The following GNAQ variants were observed in gnomAD, a reference collection of about 807,000 sequenced individuals.
The protein encoded by GNAQ is G protein subunit alpha q, also known as guanine nucleotide-binding protein G(q) subunit alpha.
In GNAQ, 8 loss-of-function variants were observed where a neutral mutation model predicts 43.9. The ratio of observed to expected loss-of-function variants is 0.18; its 90% confidence interval spans 0.11 to 0.33. GNAQ has a LOEUF of 0.33. GNAQ is among the 10% of genes least tolerant of loss of function. The pLI, the probability that GNAQ is intolerant of heterozygous loss-of-function variation, is 1.00. For missense variants in GNAQ, 158 were observed against 450.8 expected, an observed-to-expected ratio of 0.35 and a Z score of 5.88; for synonymous variants, 155 against 170.7, an observed-to-expected ratio of 0.91 and a Z score of 0.71.
chr9:77,851,215 G>T (rs1007090153), intron 2 of GNAQ, among the ~76,000 whole-genome samples: 29 of 152,228 alleles, frequency 1.9e-4, no homozygotes, highest in Admixed American at 1.6e-3. Context: ...CACAAAATCG[G>T]AAAGAAAAAG....
intron 2 of GNAQ, among the ~76,000 whole-genome samples, chr9:77,869,137 T>C (rs1248496069): frequency 6.6e-6 from 1 of 152,174 alleles, no homozygotes; most frequent in Non-Finnish European, 1.5e-5. Context: ...AATTTTGATC[T>C]CTAAATACAC....
At chr9:77,962,445 T>G (rs1477138274) in intron 1 of GNAQ, among the ~76,000 whole-genome samples, 3 of 152,076 alleles carry the variant, frequency 2.0e-5, no homozygotes, top group Admixed American at 2.0e-4. Flanking sequence ...AAAGACACTT[T>G]ACATGTAAAG....
intron 2 of GNAQ, among the ~76,000 whole-genome samples, chr9:77,820,048 G>C (rs1587931501): frequency 9.2e-6 from 1 of 109,034 alleles, no homozygotes; most frequent in Admixed American, 1.2e-4. Flanking sequence ...AATACTCGAA[G>C]AAGAGCCAGA....
intron 1 of GNAQ, among the ~76,000 whole-genome samples, chr9:78,017,730 C>T (rs1275265286): frequency 6.6e-6 from 1 of 151,980 alleles, no homozygotes; most frequent in African/African-American, 2.4e-5. Flanking sequence ...AAAAGGAAAA[C>T]AACAGACTGG....
intron 5 of GNAQ, among the ~76,000 whole-genome samples, chr9:77,766,317 C>T (rs941770141): frequency 2.0e-5 from 3 of 152,124 alleles, no homozygotes; most frequent in Admixed American, 6.6e-5. Flanking sequence ...TCTGTTTCAA[C>T]GTTTCCTTGT....
intron 1 of GNAQ, among the ~76,000 whole-genome samples, chr9:77,943,973 T>G (rs1829351343): frequency 6.6e-6 from 1 of 152,126 alleles, no homozygotes; most frequent in African/African-American, 2.4e-5. Flanking sequence ...AGCCAGTGAC[T>G]TCTTATTTTA....
intron 2 of GNAQ, among the ~76,000 whole-genome samples, chr9:77,918,576 G>A (rs1828949928): frequency 6.6e-6 from 1 of 152,036 alleles, no homozygotes; most frequent in South Asian, 2.1e-4. Flanking sequence ...AATTTAGCCT[G>A]CATGTGAAAT....
intron 2 of GNAQ, among the ~76,000 whole-genome samples, chr9:77,842,179 T>C (rs1349588962): frequency 6.6e-6 from 1 of 152,180 alleles, no homozygotes; most frequent in African/African-American, 2.4e-5. Context: ...ACAACTCCCA[T>C]CCCCTATTCT....
At chr9:77,778,223 AC>A (rs1826335120) in intron 5 of GNAQ, among the ~76,000 whole-genome samples, 1 of 149,690 alleles carries the variant, frequency 6.7e-6, no homozygotes, top group Non-Finnish European at 1.5e-5. Context: ...TTACACACAC[AC>A]ACACACACAC....
chr9:77,868,414 C>T (rs1429935296), intron 2 of GNAQ, among the ~76,000 whole-genome samples: 2 of 152,120 alleles, frequency 1.3e-5, no homozygotes, highest in East Asian at 1.9e-4. Context: ...ATGGACTTAC[C>T]TTTAATAAGG....
intron 2 of GNAQ, among the ~76,000 whole-genome samples, chr9:77,850,922 A>G (rs2117923400): frequency 6.6e-6 from 1 of 152,184 alleles, no homozygotes; most frequent in East Asian, 1.9e-4. Context: ...TGTCTCACAC[A>G]GGGTCTTAGA....
At chr9:78,018,096 T>C (rs993588562) in intron 1 of GNAQ, among the ~76,000 whole-genome samples, 1 of 152,074 alleles carries the variant, frequency 6.6e-6, no homozygotes, top group Non-Finnish European at 1.5e-5. Context: ...TGTGTGTGCA[T>C]GTTTTAAAAA....
chr9:78,021,799 T>C (rs1438233563), intron 1 of GNAQ, among the ~76,000 whole-genome samples: 1 of 152,068 alleles, frequency 6.6e-6, no homozygotes. Flanking sequence ...TAAAGCCCAA[T>C]GAAGAAAAAA....
At chr9:78,021,166 C>T (rs892349616) in intron 1 of GNAQ, among the ~76,000 whole-genome samples, 2 of 151,344 alleles carry the variant, frequency 1.3e-5, no homozygotes, top group Non-Finnish European at 2.9e-5. Flanking sequence ...ACTGGGACCA[C>T]AGGCATGGGC....
chr9:77,773,689 T>C (rs1461240177), intron 5 of GNAQ, among the ~76,000 whole-genome samples: 6 of 152,258 alleles, frequency 3.9e-5, no homozygotes, highest in Non-Finnish European at 1.5e-5. Context: ...ATTCACATTA[T>C]ATTCATTGGC....
At chr9:78,017,886 AATG>A (rs928555087) in intron 1 of GNAQ, among the ~76,000 whole-genome samples, 1 of 152,174 alleles carries the variant, frequency 6.6e-6, no homozygotes, top group Non-Finnish European at 1.5e-5. Context: ...CATTCTCACT[AATG>A]ATCAATGCAA....
chr9:77,924,058 G>A (rs1225495715), intron 1 of GNAQ, among the ~76,000 whole-genome samples: 1 of 152,258 alleles, frequency 6.6e-6, no homozygotes, highest in Admixed American at 6.5e-5. Flanking sequence ...ACAGAGTCCT[G>A]CAGTGGCTGA....
At chr9:77,965,068 T>C (rs1823149721) in intron 1 of GNAQ, among the ~76,000 whole-genome samples, 1 of 151,410 alleles carries the variant, frequency 6.6e-6, no homozygotes, top group African/African-American at 2.4e-5. Flanking sequence ...TTACTGTAAC[T>C]ACTCAAAAAG....
intron 5 of GNAQ, among the ~76,000 whole-genome samples, chr9:77,738,473 A>T (rs918348937): frequency 6.6e-6 from 1 of 152,232 alleles, no homozygotes; most frequent in East Asian, 1.9e-4. Context: ...CACTTTAAAA[A>T]TAACAGTAGG....
Sources: gnomAD v4.1 joint callset for allele counts (sites outside exome capture counted in the v4.1 genomes callset) on GRCh38, gnomAD v4.1.1 for gene constraint, MANE v1.5 for transcripts, NCBI Gene and HGNC (gene_info 2026-07-23, HGNC 2026-07-21) for gene names.